AK9: variants seen among roughly 807,000 people sequenced by gnomAD.
The protein encoded by AK9 is adenylate kinase 9.
Under a neutral mutation model 239.6 loss-of-function variants are expected in AK9, and 191 were observed. The observed-to-expected ratio is 0.80, with a 90% CI of 0.71 to 0.90. The LOEUF is 0.90. Among genes scored for constraint, AK9 ranks in the 40% least tolerant of loss-of-function variants. The pLI is 0.00. For missense variants in AK9, 1,995 were observed against 2,214.7 expected (o/e 0.90, Z 1.99); for synonymous variants, 689 against 721.0 (o/e 0.96, Z 0.71).
Position 109,662,673 on chromosome 6 carries a change from A to G in AK9, c.332-10T>C, listed in dbSNP as rs1800591126. The G allele has an allele frequency of 7.0e-7, 1 of 1,427,870 alleles. No homozygotes were observed. The highest frequency in any genetic ancestry group is 1.9e-4 in the Middle Eastern group (1 of 5,176). 88.5% of individuals were successfully genotyped at this position (1,427,870 alleles called of 1,614,324 possible). On this transcript the variant is annotated splice_polypyrimidine_tract_variant and intron_variant, in intron 5 of 40. Transcript: ENST00000424296. ...TCAGTGATAATATAACCTGTAAAGT[A>G]AAATATAATTTTAAAACTTTTATAA...
rs950999583 is a variant in AK9, at chr6:109,493,038, C to T, written c.*331G>A. On this transcript the variant is annotated 3_prime_UTR_variant, in exon 41 of 41. Coordinates refer to ENST00000424296, the MANE Select transcript of AK9 (RefSeq NM_001145128.3). The stretch of plus-strand genomic sequence containing the variant: ...ATTTTAACAGAGACTGACTTTTCTA[C>T]TGAAAATGTTAAAAAGGAAAATAAT... 6.6e-5 allele frequency: 12 copies of T among 180,714 alleles called. No individual in the cohort carries two copies. The highest frequency in any genetic ancestry group is 1.5e-4 in the East Asian group (1 of 6,700). The allele number at this position is 180,714 out of a possible 1,614,324, so 11.2% of individuals were successfully genotyped here.
chr6:109,651,916 C>T (rs888513611), intron 8 of AK9, among the ~76,000 whole-genome samples: 1 of 152,066 alleles, frequency 6.6e-6, no homozygotes, highest in African/African-American at 2.4e-5. Flanking sequence ...TAATTAATAG[C>T]CTACCAACCA....
At chr6:109,645,249 C>A (rs1797901561) in intron 8 of AK9, among the ~76,000 whole-genome samples, 1 of 152,138 alleles carries the variant, frequency 6.6e-6, no homozygotes, top group African/African-American at 2.4e-5. Context: ...CGAAGCAGGG[C>A]AGGGCATCAC....
intron 1 of AK9, among the ~76,000 whole-genome samples, chr6:109,678,930 T>C (rs1772185294): frequency 6.6e-6 from 1 of 152,190 alleles, no homozygotes; most frequent in Non-Finnish European, 1.5e-5. Flanking sequence ...CTGGCCCAGA[T>C]ACTATGCTTT....
intron 5 of AK9, among the ~76,000 whole-genome samples, chr6:109,669,159 T>C (rs1000512272): frequency 3.3e-5 from 5 of 151,908 alleles, no homozygotes; most frequent in African/African-American, 1.2e-4. Context: ...TTCGAAGCAA[T>C]TGTGAATGGG....
intron 18 of AK9, among the ~76,000 whole-genome samples, 186 bp from the exon 19 acceptor site, chr6:109,585,423 G>A (rs1415311183): frequency 6.6e-6 from 1 of 151,972 alleles, no homozygotes; most frequent in African/African-American, 2.4e-5. Context: ...TTTTAAAAAG[G>A]TATGTATGAA....
rs773313627 is a variant in AK9, at chr6:109,641,500, CA to C, written c.933+17del. On this transcript the variant is annotated intron_variant, in intron 10 of 40. Coordinates refer to ENST00000424296, the MANE Select transcript of AK9 (RefSeq NM_001145128.3). ...ATATATTGAAAATTAGACTTTCAGACAGTTCCATATAACTTACATTTTCCAT... is the reference window on the plus strand; with the variant it reads ...ATATATTGAAAATTAGACTTTCAGACGTTCCATATAACTTACATTTTCCAT... The C allele has an allele frequency of 1.8e-5, 28 of 1,591,764 alleles. No individual in the cohort carries two copies. The highest frequency in any genetic ancestry group is 2.3e-5 in the Non-Finnish European group (27 of 1,160,598).
intron 29 of AK9, among the ~76,000 whole-genome samples, chr6:109,526,791 A>G (rs911465425): frequency 2.0e-5 from 3 of 152,136 alleles, no homozygotes; most frequent in Admixed American, 2.0e-4. Context: ...TCCAACCCGT[A>G]TACCCATGCA....
intron 24 of AK9, among the ~76,000 whole-genome samples, chr6:109,558,346 T>G (rs1265615379): frequency 6.6e-6 from 1 of 152,186 alleles, no homozygotes; most frequent in Non-Finnish European, 1.5e-5. Flanking sequence ...TTATGTTTCT[T>G]CCAGAAGTTT....
intron 35 of AK9, among the ~76,000 whole-genome samples, chr6:109,503,188 T>G (rs1028438762): frequency 1.3e-4 from 20 of 151,728 alleles, no homozygotes; most frequent in Non-Finnish European, 1.9e-4. Context: ...ATATATAGTA[T>G]TATTAAGGTA....
chr6:109,618,820 A>G (rs183915402), intron 13 of AK9, among the ~76,000 whole-genome samples: 1 of 145,816 alleles, frequency 6.9e-6, no homozygotes, highest in Admixed American at 6.8e-5. Context: ...AATCCTGATC[A>G]AACAGTCTGC....
At chr6:109,550,745 A>G (rs1169062475) in intron 24 of AK9, among the ~76,000 whole-genome samples, 1 of 152,224 alleles carries the variant, frequency 6.6e-6, no homozygotes, top group Non-Finnish European at 1.5e-5. Context: ...TGATCAAATA[A>G]TAATTTGGAA....
At position 109,499,079 on chromosome 6, in the gene AK9, G is replaced by A; in HGVS notation, c.5011C>T (p.His1671Tyr). Residue 1671 changes from histidine (H) to tyrosine (Y), a missense_variant, in exon 36 of 41, where the codon CAC becomes TAC. Physicochemically the swap from His to Tyr is moderately conservative, Grantham distance 83 (BLOSUM62 2). Around this residue, in one of 5 missense-constraint regions of AK9, gnomAD observed 391 missense variants for 456.0 expected, o/e 0.86. Transcript: ENST00000424296. ...TCCTGAGAACTCATTTTATAGTAGTGCCCCCTGAACTCTGCTGCAAATTCC... is the reference window on the plus strand; with the variant it reads ...TCCTGAGAACTCATTTTATAGTAGTACCCCCTGAACTCTGCTGCAAATTCC... Reference protein sequence around the residue: ...SLEFAAEFRGHYYKMSSQEKL... With the variant: ...SLEFAAEFRGYYYKMSSQEKL... 6.3e-7 allele frequency: 1 copy of A among 1,577,354 alleles called. No individual in the cohort carries two copies.
intron 5 of AK9, among the ~76,000 whole-genome samples, chr6:109,669,865 C>G (rs996053192): frequency 6.6e-6 from 1 of 152,170 alleles, no homozygotes; most frequent in Admixed American, 6.5e-5. Flanking sequence ...GCTTTAGGTT[C>G]CATCTCCACT....
At chr6:109,627,450 A>G (rs1295396661) in intron 12 of AK9, among the ~76,000 whole-genome samples, 1 of 152,182 alleles carries the variant, frequency 6.6e-6, no homozygotes, top group East Asian at 1.9e-4. Context: ...ATAACTGTAC[A>G]TGATTGTATG....
At chr6:109,607,609 T>C (rs1431351254) in intron 17 of AK9, among the ~76,000 whole-genome samples, 1 of 152,168 alleles carries the variant, frequency 6.6e-6, no homozygotes, top group Non-Finnish European at 1.5e-5. Flanking sequence ...GTGAGGGTCA[T>C]GGAAATAATC....
At chr6:109,578,033 G>C (rs987562270) in intron 20 of AK9, among the ~76,000 whole-genome samples, 2 of 151,504 alleles carry the variant, frequency 1.3e-5, no homozygotes, top group Non-Finnish European at 2.9e-5. Context: ...CCAGGTTCAA[G>C]TGATTCTCCT....
At chr6:109,626,025 C>G (rs1795490191) in intron 12 of AK9, among the ~76,000 whole-genome samples, 1 of 151,828 alleles carries the variant, frequency 6.6e-6, no homozygotes, top group South Asian at 2.1e-4. Context: ...TCATTTCTTT[C>G]AATATTTTTT....
chr6:109,645,751 C>T (rs1387758344), intron 8 of AK9, among the ~76,000 whole-genome samples: 1 of 152,232 alleles, frequency 6.6e-6, no homozygotes, highest in Non-Finnish European at 1.5e-5. Context: ...GAGAGACTGC[C>T]TCCTCAAGTG....
Sources: gnomAD v4.1 joint callset for allele counts (sites outside exome capture counted in the v4.1 genomes callset) on GRCh38, gnomAD v4.1.1 for gene constraint, gnomAD v4.1.1 regional missense constraint, MANE v1.5 for transcripts, NCBI Gene and HGNC (gene_info 2026-07-23, HGNC 2026-07-21) for gene names.